The following ADARB2 variants were observed in gnomAD, a reference collection of about 807,000 sequenced individuals.
The protein encoded by ADARB2 is adenosine deaminase RNA specific B2 (inactive).
In ADARB2, 25 loss-of-function variants were observed where a neutral mutation model predicts 62.2. The ratio of observed to expected loss-of-function variants is 0.40; its 90% CI spans 0.29 to 0.56. ADARB2 has a LOEUF of 0.56. Among genes scored for constraint, ADARB2 ranks in the 20% least tolerant of loss-of-function variants. The probability of loss-of-function intolerance (pLI) is 0.43; values close to 1 mark genes in which losing one functional copy is unlikely to be tolerated. For synonymous variants in ADARB2, 572 were observed against 500.8 expected, an observed-to-expected ratio of 1.14 and a Z score of -1.90; for missense variants, 1,071 against 1,077.4, an observed-to-expected ratio of 0.99 and a Z score of 0.08.
intron 1 of ADARB2, among the ~76,000 whole-genome samples, chr10:1,388,619 C>T (rs989888556): frequency 4.6e-5 from 7 of 151,478 alleles, no homozygotes; most frequent in African/African-American, 1.7e-4. Context: ...ACTGTTTGGA[C>T]AAAAAGGTAT....
intron 1 of ADARB2, among the ~76,000 whole-genome samples, chr10:1,558,391 A>AC (rs1832737322): frequency 4.4e-5 from 4 of 91,224 alleles, no homozygotes; most frequent in South Asian, 3.9e-4. Flanking sequence ...TCTAAACTCG[A>AC]ATCCCACCTC....
chr10:1,545,964 T>C (rs891919237), intron 1 of ADARB2, among the ~76,000 whole-genome samples: 3 of 152,006 alleles, frequency 2.0e-5, no homozygotes, highest in Admixed American at 1.3e-4. Flanking sequence ...GAAAATTACA[T>C]TTGCTTTATC....
In ADARB2 at chr10:1,379,150, G is replaced by A. The variant is rs767339788; in HGVS notation, c.111C>T (p.Ser37=). The A allele has an allele frequency of 1.9e-6, 3 of 1,612,240 alleles. No homozygotes were observed. Among genetic ancestry groups the A allele is most frequent in the South Asian group, 1.1e-5 (1 of 90,988 alleles). The change falls in exon 2 of 10, where the codon AGC becomes AGT. Residue 37 remains serine, a synonymous_variant. Transcript: ENST00000381312. ...RRRSKRKDKV[S]ILSTFLAPFK... Reference sequence around the variant, plus strand: ...AAGGAGCGAGGAAGGTTGACAATATGCTTACTTTATCTGGAAAGAAAAGAA... The same window carrying A: ...AAGGAGCGAGGAAGGTTGACAATATACTTACTTTATCTGGAAAGAAAAGAA...
chr10:1,232,344 CTG>C lies in ADARB2; in HGVS notation c.1513+1348_1513+1349del, dbSNP rs1300724237. On this transcript the variant is annotated intron_variant, in intron 6 of 9. Transcript: ENST00000381312. ...GTCGTATACATGTGTGTTGTATATGCTGTGTGTGGTGTGTGTGGTCTGTGTGT... is the reference window on the plus strand; with the variant it reads ...GTCGTATACATGTGTGTTGTATATGCTGTGTGGTGTGTGTGGTCTGTGTGT... 7.2e-5 allele frequency among the ~76,000 whole-genome samples: 11 copies of C among 151,952 alleles called. No homozygotes were observed. In the East Asian group the frequency reaches 1.9e-3, roughly 27 times the overall value.
intron 1 of ADARB2, among the ~76,000 whole-genome samples, chr10:1,560,693 C>T (rs1489950229): frequency 6.9e-6 from 1 of 145,776 alleles, no homozygotes; most frequent in Admixed American, 7.0e-5. Flanking sequence ...GCAGAAAAAG[C>T]CACACTCTCG....
intron 1 of ADARB2, among the ~76,000 whole-genome samples, chr10:1,717,780 G>A (rs752257044): frequency 6.6e-6 from 1 of 152,060 alleles, no homozygotes; most frequent in African/African-American, 2.4e-5. Context: ...GTTTCGTCAT[G>A]TAGGCTAGGC....
intron 3 of ADARB2, among the ~76,000 whole-genome samples, chr10:1,349,769 T>C (rs1321495878): frequency 6.6e-6 from 1 of 152,156 alleles, no homozygotes. Flanking sequence ...GAAGGCAGCC[T>C]TCCCTTGGTG....
chr10:1,587,333 G>A (rs999606533), intron 1 of ADARB2, among the ~76,000 whole-genome samples: 2 of 152,210 alleles, frequency 1.3e-5, no homozygotes, highest in African/African-American at 4.8e-5. Flanking sequence ...TCCAGCAAAG[G>A]GGAACGGCTG....
intron 1 of ADARB2, among the ~76,000 whole-genome samples, chr10:1,636,544 T>G (rs1489745663): frequency 6.6e-6 from 1 of 151,892 alleles, no homozygotes; most frequent in East Asian, 1.9e-4. Context: ...GCCTATGTAA[T>G]GTGGGGGGAG....
chr10:1,231,053 G>A (rs988195118), intron 6 of ADARB2, among the ~76,000 whole-genome samples: 17 of 152,186 alleles, frequency 1.1e-4, no homozygotes, highest in African/African-American at 3.9e-4. Flanking sequence ...GTTGGTGATC[G>A]ATGTACAGAG....
intron 1 of ADARB2, among the ~76,000 whole-genome samples, chr10:1,409,313 T>C (rs1588247600): frequency 6.6e-6 from 1 of 150,562 alleles, no homozygotes; most frequent in South Asian, 2.1e-4. Context: ...TTCTGCAAAC[T>C]TGACTTGACC....
intron 4 of ADARB2, among the ~76,000 whole-genome samples, chr10:1,262,634 G>A (rs894888109): frequency 3.9e-5 from 6 of 152,138 alleles, no homozygotes; most frequent in African/African-American, 1.4e-4. Context: ...GGAAACAACA[G>A]GTGCTGGAGA....
chr10:1,183,023 G>T lies in ADARB2; in HGVS notation c.*170C>A. ...TCTGGGGCCAGCGATCTGGAAAGAG[G>T]CACGTTCTGAATTTGTGTTGTTGCT... On this transcript the variant is annotated 3_prime_UTR_variant, in exon 10 of 10. Coordinates refer to ENST00000381312, the MANE Select transcript of ADARB2 (RefSeq NM_018702.4). The T allele has an allele frequency of 2.7e-6, 2 of 750,118 alleles. No individual in the cohort carries two copies. Among genetic ancestry groups the T allele is most frequent in the Non-Finnish European group, 4.2e-6 (2 of 472,594 alleles). The allele number at this position is 750,118 out of a possible 1,614,324, so 46.5% of individuals were successfully genotyped here.
intron 1 of ADARB2, among the ~76,000 whole-genome samples, chr10:1,593,966 G>A (rs1257865313): frequency 2.6e-5 from 4 of 152,178 alleles, no homozygotes; most frequent in African/African-American, 9.7e-5. Flanking sequence ...CCAGTCAGCT[G>A]CGGCTTGTCC....
intron 1 of ADARB2, among the ~76,000 whole-genome samples, chr10:1,585,241 T>C (rs1056827743): frequency 3.3e-5 from 5 of 152,024 alleles, no homozygotes; most frequent in Non-Finnish European, 7.4e-5. Flanking sequence ...AACTCTGTAC[T>C]CACCACTCAA....
At chr10:1,730,197 G>A (rs1005817204) in intron 1 of ADARB2, among the ~76,000 whole-genome samples, 1 of 152,184 alleles carries the variant, frequency 6.6e-6, no homozygotes, top group Admixed American at 6.5e-5. Flanking sequence ...ACCTGGATCT[G>A]TTTTGCAAAT....
At chr10:1,394,112 A>G (rs1832592288) in intron 1 of ADARB2, among the ~76,000 whole-genome samples, 1 of 152,206 alleles carries the variant, frequency 6.6e-6, no homozygotes, top group South Asian at 2.1e-4. Flanking sequence ...CATCCCACGT[A>G]TGAAAGAAGC....
chr10:1,213,604 A>C (rs953927936), intron 7 of ADARB2, among the ~76,000 whole-genome samples: 3 of 152,244 alleles, frequency 2.0e-5, no homozygotes, highest in African/African-American at 4.8e-5. Flanking sequence ...GCAGGTGCTT[A>C]GGATTAATTC....
chr10:1,611,929 G>A (rs531603940), intron 1 of ADARB2, among the ~76,000 whole-genome samples: 5 of 152,114 alleles, frequency 3.3e-5, no homozygotes, highest in African/African-American at 9.6e-5. Flanking sequence ...GCCTCTTCCC[G>A]CCCCCACCTG....
Sources: allele counts gnomAD v4.1 joint callset (sites outside exome capture counted in the v4.1 genomes callset), GRCh38; gene constraint gnomAD v4.1.1; transcripts MANE v1.5; gene names NCBI Gene and HGNC (gene_info 2026-07-23, HGNC 2026-07-21).